The following CCBE1 variants were observed in gnomAD, a reference collection of about 807,000 sequenced individuals.
CCBE1 encodes the protein collagen and calcium-binding EGF domain-containing protein 1.
Under a neutral mutation model 50.0 loss-of-function variants are expected in CCBE1, and 37 were observed. The ratio of observed to expected loss-of-function variants is 0.74; its 90% CI spans 0.57 to 0.97. The LOEUF (loss-of-function observed/expected upper bound fraction) is 0.97, where lower values mean the gene tolerates loss of function less well. Ranked by LOEUF, CCBE1 falls within the 50% of genes least tolerant of loss-of-function variation. CCBE1 has a pLI of 0.00. For missense variants in CCBE1, 538 were observed against 523.8 expected (o/e 1.03, Z -0.26); for synonymous variants, 234 against 203.7 (o/e 1.15, Z -1.27).
chr18:59,599,337 T>C (rs192498123), intron 2 of CCBE1, among the ~76,000 whole-genome samples: 5 of 152,154 alleles, frequency 3.3e-5, no homozygotes, highest in Non-Finnish European at 5.9e-5. Context: ...TAAAAGATAA[T>C]ATATATGCAA....
At chr18:59,573,194 A>T (rs960137170) in intron 2 of CCBE1, among the ~76,000 whole-genome samples, 1 of 150,630 alleles carries the variant, frequency 6.6e-6, no homozygotes, top group Non-Finnish European at 1.5e-5. Flanking sequence ...CTGAGGCACC[A>T]GAATCGCTTG....
intron 2 of CCBE1, among the ~76,000 whole-genome samples, chr18:59,601,011 T>G (rs12956927): frequency 1.5e-4 from 5 of 33,196 alleles, no homozygotes; most frequent in African/African-American, 1.2e-3. Context: ...TATGTGTCAG[T>G]TTTTTTTTTT....
chr18:59,682,002 C>T (rs143113557), intron 2 of CCBE1, among the ~76,000 whole-genome samples: 4 of 152,228 alleles, frequency 2.6e-5, no homozygotes, highest in Admixed American at 1.3e-4. Flanking sequence ...CTCTGAGGTT[C>T]GGCGAGAGCC....
At chr18:59,523,696 G>A (rs1914700955) in intron 2 of CCBE1, among the ~76,000 whole-genome samples, 1 of 152,120 alleles carries the variant, frequency 6.6e-6, no homozygotes, top group South Asian at 2.1e-4. Flanking sequence ...GTAGGTCAGG[G>A]TTGGATAATG....
chr18:59,509,662 T>A (rs1315585249), intron 2 of CCBE1, among the ~76,000 whole-genome samples: 2 of 152,104 alleles, frequency 1.3e-5, no homozygotes, highest in Non-Finnish European at 2.9e-5. Context: ...GCACACCACA[T>A]AAAAGAAGAA....
chr18:59,686,815 A>G (rs2054660574), intron 2 of CCBE1, among the ~76,000 whole-genome samples: 1 of 152,208 alleles, frequency 6.6e-6, no homozygotes, highest in Non-Finnish European at 1.5e-5. Flanking sequence ...GAAAACCAAC[A>G]ATACCAAAAC....
chr18:59,499,793 C>T (rs584270), intron 2 of CCBE1, among the ~76,000 whole-genome samples: 1,763 of 152,296 alleles, frequency 0.012, 28 homozygotes, highest in African/African-American at 0.04. Context: ...ACCTCAGATA[C>T]CACTTTGACA....
intron 2 of CCBE1, among the ~76,000 whole-genome samples, chr18:59,518,663 A>C (rs1914474920): frequency 1.3e-5 from 2 of 152,330 alleles, no homozygotes; most frequent in Admixed American, 6.5e-5. Context: ...GTGGACATTA[A>C]GTTACAAGGA....
At chr18:59,477,952 C>T (rs536933420) in intron 3 of CCBE1, among the ~76,000 whole-genome samples, 4 of 152,262 alleles carry the variant, frequency 2.6e-5, no homozygotes, top group East Asian at 1.9e-4. Flanking sequence ...CATTATTCTA[C>T]GTGCTTCTGT....
At chr18:59,481,596 G>C (rs779558589) in intron 2 of CCBE1, among the ~76,000 whole-genome samples, 46 of 152,248 alleles carry the variant, frequency 3.0e-4, no homozygotes, top group Non-Finnish European at 6.0e-4. Context: ...GATATACAGG[G>C]AAAGGATGAT....
intron 2 of CCBE1, among the ~76,000 whole-genome samples, chr18:59,504,736 G>GTGAAA (rs1408001845): frequency 6.6e-6 from 1 of 152,168 alleles, no homozygotes; most frequent in Non-Finnish European, 1.5e-5. Context: ...GCCTCCACAT[G>GTGAAA]TGAAATGAAA....
intron 2 of CCBE1, among the ~76,000 whole-genome samples, chr18:59,488,813 G>C (rs1300556836): frequency 6.6e-6 from 1 of 152,134 alleles, no homozygotes. Flanking sequence ...CTTGGTAAGC[G>C]CTGGCATGCA....
chr18:59,584,902 C>T lies in CCBE1; in HGVS notation c.213-104664G>A, dbSNP rs1431899759. On this transcript the variant is annotated intron_variant, in intron 2 of 10. Coordinates refer to ENST00000439986, the MANE Select transcript of CCBE1 (RefSeq NM_133459.4). ...ACAAACTCAAAGCCTTTGTATGTGC[C>T]CTGAGAGAATCCATCCAGAAGACAA... is the stretch of plus-strand genomic sequence containing the variant. Among the ~76,000 whole-genome samples the T allele has an allele frequency of 2.0e-5, 3 of 152,062 alleles. No homozygotes were observed. In the East Asian group the frequency reaches 5.8e-4, roughly 29 times the overall value.
chr18:59,469,971 C>T (rs989976978), intron 3 of CCBE1, among the ~76,000 whole-genome samples: 2 of 152,108 alleles, frequency 1.3e-5, no homozygotes, highest in African/African-American at 4.8e-5. Context: ...GGTGACTCCA[C>T]CCAGCAGAAT....
At chr18:59,454,827 C>A (rs369236869) in intron 6 of CCBE1, 24 bp downstream of exon 6, 15 of 1,598,870 alleles carry the variant, frequency 9.4e-6, no homozygotes, top group Non-Finnish European at 1.2e-5. Flanking sequence ...CAGGCATCAT[C>A]GTTCCCACCC....
chr18:59,583,651 T>C (rs2053120527), intron 2 of CCBE1, among the ~76,000 whole-genome samples: 2 of 111,492 alleles, frequency 1.8e-5, no homozygotes, highest in African/African-American at 3.9e-5. Flanking sequence ...TGTCACTGCT[T>C]TGCGTGTGTG....
At chr18:59,621,321 A>G (rs1244273323) in intron 2 of CCBE1, among the ~76,000 whole-genome samples, 1 of 152,188 alleles carries the variant, frequency 6.6e-6, no homozygotes, top group Admixed American at 6.5e-5. Context: ...TCAGTCCCTC[A>G]TTCCCCTTGG....
chr18:59,433,724 C>A lies in CCBE1; in HGVS notation c.*2184G>T, dbSNP rs1487211929. On this transcript the variant is annotated 3_prime_UTR_variant, in exon 11 of 11. Transcript: ENST00000439986. ...GGTTCACGCCATTCTCCTGCCTCAG[C>A]CTCCCGAGCAGCTGGGACCACAGGC... The A allele has an allele frequency of 6.6e-6, 1 of 151,682 alleles. No homozygotes were observed. Among genetic ancestry groups the A allele is most frequent in the Non-Finnish European group, 1.5e-5 (1 of 68,034 alleles). 9.4% of individuals were successfully genotyped at this position (151,682 alleles called of 1,614,324 possible). A position where few individuals can be genotyped will look rare whatever the true frequency, so the allele number is the denominator to read the frequency against.
chr18:59,581,030 C>A (rs983776912), intron 2 of CCBE1, among the ~76,000 whole-genome samples: 1 of 152,196 alleles, frequency 6.6e-6, no homozygotes, highest in African/African-American at 2.4e-5. Context: ...GCCAACACAT[C>A]TGAAACTGAA....
Sources: allele counts gnomAD v4.1 joint callset (sites outside exome capture counted in the v4.1 genomes callset), GRCh38; gene constraint gnomAD v4.1.1; transcripts MANE v1.5; gene names NCBI Gene and HGNC (gene_info 2026-07-23, HGNC 2026-07-21).